Variants in LHFPL2 observed in about 807,000 individuals in gnomAD.
LHFPL2 encodes the protein LHFPL tetraspan subfamily member 2 protein.
A neutral mutation model predicts 17.5 loss-of-function variants in LHFPL2; 7 were observed. The observed-to-expected ratio is 0.40, with a 90% CI of 0.23 to 0.75. The LOEUF (loss-of-function observed/expected upper bound fraction) is 0.75, where lower values mean the gene tolerates loss of function less well. Ranked by LOEUF, LHFPL2 falls within the 30% of genes least tolerant of loss-of-function variation. The pLI is 0.37. For missense variants in LHFPL2, 241 were observed against 294.8 expected, an observed-to-expected ratio of 0.82 and a Z score of 1.34; for synonymous variants, 134 against 116.2, an observed-to-expected ratio of 1.15 and a Z score of -0.99.
chr5:78,502,248 A>G (rs1222278399), intron 4 of LHFPL2, among the ~76,000 whole-genome samples: 1 of 152,268 alleles, frequency 6.6e-6, no homozygotes, highest in East Asian at 1.9e-4. Flanking sequence ...CTTGAAATTA[A>G]TGGCCATCAG....
At chr5:78,583,620 T>C (rs1210552401) in intron 2 of LHFPL2, among the ~76,000 whole-genome samples, 3 of 152,158 alleles carry the variant, frequency 2.0e-5, no homozygotes, top group Non-Finnish European at 4.4e-5. Flanking sequence ...CCCCACTCTC[T>C]TCTGGCTTGT....
chr5:78,620,754 C>T (rs12697890), intron 2 of LHFPL2, among the ~76,000 whole-genome samples: 49,976 of 152,048 alleles, frequency 0.33, 9,245 homozygotes, highest in Non-Finnish European at 0.43. Flanking sequence ...CTATGAGCAC[C>T]GAGGCTGAGA....
intron 3 of LHFPL2, chr5:78,549,148 G>A (rs927327807): frequency 3.9e-5 from 6 of 152,170 alleles, no homozygotes; most frequent in Admixed American, 6.5e-5. Flanking sequence ...CTTCCTTCAC[G>A]TGTCTGGTCA....
chr5:78,499,839 A>G (rs1754718535), intron 4 of LHFPL2, among the ~76,000 whole-genome samples: 1 of 152,216 alleles, frequency 6.6e-6, no homozygotes, highest in South Asian at 2.1e-4. Context: ...GAGTGTCACC[A>G]ACCTTACTGA....
intron 4 of LHFPL2, among the ~76,000 whole-genome samples, chr5:78,509,235 T>G (rs890624274): frequency 6.6e-6 from 1 of 152,134 alleles, no homozygotes; most frequent in Non-Finnish European, 1.5e-5. Flanking sequence ...AACCAGAACA[T>G]CACTAAACAC....
At chr5:78,526,832 C>T (rs1435860559) in intron 3 of LHFPL2, among the ~76,000 whole-genome samples, 1 of 152,206 alleles carries the variant, frequency 6.6e-6, no homozygotes, top group Non-Finnish European at 1.5e-5. Flanking sequence ...ACAGCACCCT[C>T]CATGTGACCC....
intron 3 of LHFPL2, among the ~76,000 whole-genome samples, chr5:78,547,310 G>C (rs1412167177): frequency 1.3e-5 from 2 of 152,170 alleles, no homozygotes; most frequent in African/African-American, 4.8e-5. Flanking sequence ...CATGGCTGTG[G>C]GCTGGGCAGA....
chr5:78,628,192 A>G (rs1207356455), intron 2 of LHFPL2, among the ~76,000 whole-genome samples: 2 of 152,202 alleles, frequency 1.3e-5, no homozygotes, highest in African/African-American at 4.8e-5. Context: ...TTGCTGTGAT[A>G]AAGACCTCAA....
intron 3 of LHFPL2, among the ~76,000 whole-genome samples, chr5:78,521,571 T>G (rs1232688145): frequency 6.6e-6 from 1 of 152,226 alleles, no homozygotes; most frequent in Non-Finnish European, 1.5e-5. Flanking sequence ...AAAGGCAATA[T>G]TTTATAAGGT....
chr5:78,631,545 T>C (rs1215835624), intron 2 of LHFPL2, among the ~76,000 whole-genome samples: 1 of 152,176 alleles, frequency 6.6e-6, no homozygotes, highest in Non-Finnish European at 1.5e-5. Flanking sequence ...ACAAGTCCAA[T>C]GTGTTGTGTG....
chr5:78,510,049 CTCCGGG>C lies in LHFPL2; in HGVS notation c.159_164del (p.Glu55_Pro56del). 6.2e-7 allele frequency: 1 copy of C among 1,609,724 alleles called. No individual in the cohort carries two copies. The highest frequency in any genetic ancestry group is 1.1e-5 in the South Asian group (1 of 90,662). ...AGATGCCCAGGGTGGGGTGGTAGGG[CTCCGGG>C]GAGCCCCCGCCCGGGCCCGCCGGCT... On this transcript the variant is annotated inframe_deletion, in exon 4 of 5. Coordinates refer to ENST00000380345, the MANE Select transcript of LHFPL2 (RefSeq NM_005779.3).
At chr5:78,539,815 G>T (rs202136755) in intron 3 of LHFPL2, among the ~76,000 whole-genome samples, 43 of 114,386 alleles carry the variant, frequency 3.8e-4, no homozygotes, top group African/African-American at 1.5e-3. Flanking sequence ...CAAGACTTTT[G>T]CTTTTTTTTT....
At chr5:78,629,111 A>G (rs1214653568) in intron 2 of LHFPL2, among the ~76,000 whole-genome samples, 1 of 152,178 alleles carries the variant, frequency 6.6e-6, no homozygotes, top group Non-Finnish European at 1.5e-5. Flanking sequence ...TCTTTTGCCT[A>G]TTTGGAAATA....
intron 2 of LHFPL2, among the ~76,000 whole-genome samples, chr5:78,565,240 T>A (rs1756829134): frequency 6.6e-6 from 1 of 152,038 alleles, no homozygotes. Context: ...AGAAACAAAT[T>A]AAGAAATAAA....
chr5:78,490,328 T>C (rs953893284), intron 4 of LHFPL2, among the ~76,000 whole-genome samples: 1 of 152,162 alleles, frequency 6.6e-6, no homozygotes, highest in Non-Finnish European at 1.5e-5. Context: ...GTGCCTGCAG[T>C]GGGTGCCTCA....
At chr5:78,546,015 TG>T (rs1756259726) in intron 3 of LHFPL2, among the ~76,000 whole-genome samples, 1 of 152,180 alleles carries the variant, frequency 6.6e-6, no homozygotes, top group African/African-American at 2.4e-5. Flanking sequence ...GTGCAAAAGT[TG>T]CTCTCCTATA....
chr5:78,505,371 G>T (rs949049901), intron 4 of LHFPL2, among the ~76,000 whole-genome samples: 1 of 152,154 alleles, frequency 6.6e-6, no homozygotes, highest in African/African-American at 2.4e-5. Flanking sequence ...GATTTACTCC[G>T]CCAGGAGAAT....
chr5:78,607,271 T>C (rs1263043801), intron 2 of LHFPL2, among the ~76,000 whole-genome samples: 1 of 150,302 alleles, frequency 6.7e-6, no homozygotes, highest in Non-Finnish European at 1.5e-5. Flanking sequence ...CGCCACCACC[T>C]CCGGCTAATT....
chr5:78,497,421 T>C (rs1754641244), intron 4 of LHFPL2, among the ~76,000 whole-genome samples: 1 of 152,192 alleles, frequency 6.6e-6, no homozygotes, highest in Non-Finnish European at 1.5e-5. Context: ...TACTGCACAC[T>C]ACCTTTTAAC....
Sources: allele counts gnomAD v4.1 joint callset (sites outside exome capture counted in the v4.1 genomes callset), GRCh38; gene constraint gnomAD v4.1.1; transcripts MANE v1.5; gene names NCBI Gene and HGNC (gene_info 2026-07-23, HGNC 2026-07-21).